The following SH2D4B variants were observed in gnomAD, a reference collection of about 807,000 sequenced individuals.
The protein encoded by SH2D4B is SH2 domain containing 4B, also known as SH2 domain-containing protein 4B.
Under a neutral mutation model 61.5 loss-of-function variants are expected in SH2D4B, and 45 were observed. The ratio of observed to expected loss-of-function variants is 0.73; its 90% CI spans 0.58 to 0.94. The LOEUF is 0.94. Among genes scored for constraint, SH2D4B ranks in the 40% least tolerant of loss-of-function variants. SH2D4B has a pLI of 0.00. For missense variants in SH2D4B, 572 were observed against 574.2 expected, an observed-to-expected ratio of 1.00 and a Z score of 0.04; for synonymous variants, 224 against 220.4, an observed-to-expected ratio of 1.02 and a Z score of -0.14.
rs76980283 is a variant in SH2D4B at position 80,540,879 on chromosome 10, C to G, written c.184+2364C>G. The stretch of plus-strand genomic sequence containing the variant: ...GCGGGGACGGGCTCCACGGAGGAAT[C>G]TTCTCTTCCTTCCCTTGATGTTGCC... On this transcript the variant is annotated intron_variant, in intron 1 of 7. Coordinates refer to ENST00000646907, the MANE Select transcript of SH2D4B (RefSeq NM_001388272.1). 6.8e-4 allele frequency: 1,059 copies of G among 1,551,668 alleles called. 30 individuals are homozygous for G. The East Asian group carries it at 0.026, about 38-fold the overall frequency.
At chr10:80,635,205 A>C (rs1387940313) in intron 7 of SH2D4B, among the ~76,000 whole-genome samples, 3 of 152,140 alleles carry the variant, frequency 2.0e-5, no homozygotes, top group Non-Finnish European at 4.4e-5. Flanking sequence ...CATGGACCCT[A>C]TATTGGAAAA....
intron 4 of SH2D4B, among the ~76,000 whole-genome samples, chr10:80,590,759 T>C (rs1842315769): frequency 6.6e-6 from 1 of 152,046 alleles, no homozygotes; most frequent in Admixed American, 6.5e-5. Context: ...CCTTTTAAAG[T>C]GTACAATTTA....
At chr10:80,579,326 C>G (rs17107067) in intron 3 of SH2D4B, among the ~76,000 whole-genome samples, 2 of 152,074 alleles carry the variant, frequency 1.3e-5, no homozygotes, top group African/African-American at 4.8e-5. Flanking sequence ...AGCTGGAAAC[C>G]GGTTTTTAAA....
At chr10:80,618,283 C>T (rs936314445) in intron 6 of SH2D4B, among the ~76,000 whole-genome samples, 1 of 152,268 alleles carries the variant, frequency 6.6e-6, no homozygotes, top group African/African-American at 2.4e-5. Flanking sequence ...TTGCCATAGC[C>T]AGTTTCAGAA....
rs139844677 is a variant in SH2D4B at position 80,603,659 on chromosome 10, C to T, written c.724C>T (p.Arg242Cys). ...GGACGAGTACCGACACCACTCGCTC[C>T]GTGCTATCCAGAAGGGCACGGTCGC... Reference protein sequence around the residue: ...ARDEYRHHSLRAIQKGTVAGL... With the variant: ...ARDEYRHHSLCAIQKGTVAGL... Residue 242 changes from arginine (R) to cysteine (C), a missense_variant, in exon 5 of 8, where the codon CGT becomes TGT. Coordinates refer to ENST00000646907, the MANE Select transcript of SH2D4B (RefSeq NM_001388272.1). 113 of 1,607,632 alleles carry T rather than the reference C, an allele frequency of 7.0e-5. No homozygotes were observed. In the African/African-American group the frequency reaches 8.3e-4, roughly 12 times the overall value.
At chr10:80,592,440 C>A (rs11186197) in intron 4 of SH2D4B, among the ~76,000 whole-genome samples, 1 of 152,096 alleles carries the variant, frequency 6.6e-6, no homozygotes, top group Admixed American at 6.5e-5. Flanking sequence ...CCTAAGAAAC[C>A]ATTGCCTAAT....
In SH2D4B at chr10:80,588,783, T is replaced by C. The variant is rs1842290330; in HGVS notation, c.643+6T>C. 1 of 1,613,542 alleles carries C rather than the reference T, an allele frequency of 6.2e-7. No homozygotes were observed. The highest frequency in any genetic ancestry group is 8.5e-7 in the Non-Finnish European group (1 of 1,179,950). On this transcript the variant is annotated splice_donor_region_variant and intron_variant, in intron 4 of 7. Coordinates refer to ENST00000646907, the MANE Select transcript of SH2D4B (RefSeq NM_001388272.1). Reference sequence around the variant, plus strand: ...GCGAGAGTGGGAAGAACAGTGTGAGTAGAGCTTGTGCCTCAGGCAGGGAGA... The same window carrying C: ...GCGAGAGTGGGAAGAACAGTGTGAGCAGAGCTTGTGCCTCAGGCAGGGAGA...
Position 80,541,101 on chromosome 10 carries a change from G to A in SH2D4B, c.184+2586G>A, listed in dbSNP as rs145162359. On this transcript the variant is annotated intron_variant, in intron 1 of 7. Transcript: ENST00000646907. ...TCATGAGAACGTGTCACACCCAGCA[G>A]AGTCTGGGTTTCTAATTTTATGGGT... Among the ~76,000 whole-genome samples the A allele has an allele frequency of 7.8e-3, 1,187 of 152,330 alleles. 7 individuals are homozygous for A. The highest frequency in any genetic ancestry group is 0.025 in the African/African-American group (1,050 of 41,570).
chr10:80,603,440 G>T (rs1842474970), intron 4 of SH2D4B, 139 bp from the exon 5 acceptor site: 3 of 735,232 alleles, frequency 4.1e-6, no homozygotes, highest in East Asian at 2.7e-5. Context: ...GGACTATTAG[G>T]TTGGTGCAAA....
chr10:80,571,275 T>G (rs1842038649), intron 2 of SH2D4B, among the ~76,000 whole-genome samples, 156 bp from the exon 3 acceptor site: 1 of 152,180 alleles, frequency 6.6e-6, no homozygotes, highest in Non-Finnish European at 1.5e-5. Flanking sequence ...CGATTTACAC[T>G]CCCATGCGTG....
Position 80,622,378 on chromosome 10 carries a change from G to A in SH2D4B, c.989-11907G>A, listed in dbSNP as rs1173771800. ...GATTTGACCTCGATGATTTTCTGTG[G>A]CTAAGTTTTACATGAAATTAGTTTT... On this transcript the variant is annotated intron_variant, in intron 6 of 7. Transcript: ENST00000646907. 2.6e-5 allele frequency among the ~76,000 whole-genome samples: 4 copies of A among 152,136 alleles called. No homozygotes were observed. The South Asian group carries it at 6.2e-4, about 24-fold the overall frequency.
intron 1 of SH2D4B, among the ~76,000 whole-genome samples, chr10:80,560,342 C>T (rs1354377081): frequency 6.6e-6 from 1 of 151,130 alleles, no homozygotes; most frequent in East Asian, 1.9e-4. Flanking sequence ...TTTTTCAATT[C>T]ATGTATAGGA....
intron 1 of SH2D4B, among the ~76,000 whole-genome samples, chr10:80,565,906 C>G (rs537389687): frequency 1.3e-5 from 2 of 151,502 alleles, no homozygotes; most frequent in African/African-American, 4.9e-5. Context: ...CTGGCTAACA[C>G]GGTGAAACCC....
chr10:80,588,318 T>G (rs1345035029), intron 3 of SH2D4B, among the ~76,000 whole-genome samples: 1 of 152,184 alleles, frequency 6.6e-6, no homozygotes, highest in East Asian at 1.9e-4. Context: ...CTGGTTGTGG[T>G]GATCTGGTGA....
intron 7 of SH2D4B, among the ~76,000 whole-genome samples, chr10:80,643,740 A>G (rs4934388): frequency 0.18 from 26,651 of 151,490 alleles, 2,845 homozygotes; most frequent in Admixed American, 0.28. Context: ...CCCCTCCTGC[A>G]TGTCTTTTGT....
chr10:80,613,100 G>A (rs541666992), intron 6 of SH2D4B, among the ~76,000 whole-genome samples: 1 of 152,184 alleles, frequency 6.6e-6, no homozygotes, highest in African/African-American at 2.4e-5. Context: ...TCAGGTTTGG[G>A]GAAATGGGCA....
At chr10:80,581,981 C>T (rs1268124305) in intron 3 of SH2D4B, among the ~76,000 whole-genome samples, 1 of 152,106 alleles carries the variant, frequency 6.6e-6, no homozygotes, top group Non-Finnish European at 1.5e-5. Flanking sequence ...TTCCTTCTGA[C>T]CTGACATAGA....
chr10:80,589,046 T>C (rs970176082), intron 4 of SH2D4B, among the ~76,000 whole-genome samples: 7 of 151,908 alleles, frequency 4.6e-5, no homozygotes, highest in African/African-American at 1.7e-4. Flanking sequence ...CTCTGTCGCC[T>C]AGGCTGGAGT....
rs11186146 is a variant in SH2D4B at position 80,580,229 on chromosome 10, G to A, written c.496-8401G>A. ...GCAGGTGGCTATTTTGACAGGCTGGGAAGCCCAGCTTCTGGTCAGAAGCTG... is the reference window on the plus strand; with the variant it reads ...GCAGGTGGCTATTTTGACAGGCTGGAAAGCCCAGCTTCTGGTCAGAAGCTG... On this transcript the variant is annotated intron_variant, in intron 3 of 7. Coordinates refer to ENST00000646907, the MANE Select transcript of SH2D4B (RefSeq NM_001388272.1). Among the ~76,000 whole-genome samples the A allele has an allele frequency of 6.7e-3, 1,015 of 152,322 alleles. 12 individuals carry two copies. The highest frequency in any genetic ancestry group is 0.023 in the African/African-American group (968 of 41,556).
Sources: gnomAD v4.1 joint callset for allele counts (sites outside exome capture counted in the v4.1 genomes callset) on GRCh38, gnomAD v4.1.1 for gene constraint, MANE v1.5 for transcripts, NCBI Gene and HGNC (gene_info 2026-07-23, HGNC 2026-07-21) for gene names.